ACYP2: variants seen among roughly 807,000 people sequenced by gnomAD.
ACYP2 encodes acylphosphatase 2, also known as acylphosphatase-2.
In ACYP2, 12 loss-of-function variants were observed where a neutral mutation model predicts 11.2. The observed-to-expected ratio is 1.08, with a 90% confidence interval of 0.69 to 1.74. The LOEUF is 1.74. Among genes scored for constraint, ACYP2 ranks in the 40% most tolerant of loss-of-function variants. The pLI, the probability that ACYP2 is intolerant of heterozygous loss-of-function variation, is 0.00. For missense variants in ACYP2, 134 were observed against 101.9 expected (o/e 1.31, Z -1.35); for synonymous variants, 43 against 32.2 (o/e 1.33, Z -1.13).
chr2:54,012,048 C>G (rs1054771656), intron 2 of ACYP2, among the ~76,000 whole-genome samples: 2 of 151,956 alleles, frequency 1.3e-5, no homozygotes, highest in African/African-American at 4.8e-5. Flanking sequence ...CCAGCTTGGC[C>G]AACATGGTGA....
chr2:54,123,552 T>C, intron 4 of ACYP2: 1 of 396,410 alleles, frequency 2.5e-6, no homozygotes, highest in Non-Finnish European at 4.4e-6. Context: ...GCATTACCAT[T>C]AATTCCAGAA....
intron 2 of ACYP2, among the ~76,000 whole-genome samples, chr2:54,012,587 C>G (rs868469095): frequency 3.3e-5 from 5 of 152,286 alleles, no homozygotes; most frequent in Middle Eastern, 3.4e-3. Context: ...AAGCATGACA[C>G]TCTCCCTCTT....
At chr2:54,107,171 A>C (rs146908756) in intron 4 of ACYP2, among the ~76,000 whole-genome samples, 655 of 152,284 alleles carry the variant, frequency 4.3e-3, no homozygotes, top group South Asian at 9.7e-3. Flanking sequence ...GGTTAACTAG[A>C]GCGCTAGACA....
At chr2:54,248,744 A>G (rs1358619739) in intron 6 of ACYP2, among the ~76,000 whole-genome samples, 3 of 152,218 alleles carry the variant, frequency 2.0e-5, no homozygotes, top group Non-Finnish European at 4.4e-5. Context: ...TGGCCCTTGA[A>G]GAACTTAAAA....
At chr2:54,048,544 G>C (rs1675650945) in intron 2 of ACYP2, among the ~76,000 whole-genome samples, 1 of 152,092 alleles carries the variant, frequency 6.6e-6, no homozygotes, top group African/African-American at 2.4e-5. Context: ...GTCTTGCTCT[G>C]TCACCCCACT....
At chr2:54,298,949 C>T (rs1221686792) in intron 6 of ACYP2, among the ~76,000 whole-genome samples, 1 of 152,142 alleles carries the variant, frequency 6.6e-6, no homozygotes, top group African/African-American at 2.4e-5. Context: ...GATGGGGTTT[C>T]ACCGTGTTGG....
chr2:53,984,818 G>A (rs2104513211), intron 2 of ACYP2, among the ~76,000 whole-genome samples: 1 of 151,710 alleles, frequency 6.6e-6, no homozygotes. Context: ...AATGTTGTAG[G>A]ATGAATGCAG....
At chr2:54,089,029 G>T (rs1025260211) in intron 4 of ACYP2, among the ~76,000 whole-genome samples, 7 of 152,216 alleles carry the variant, frequency 4.6e-5, no homozygotes, top group African/African-American at 1.7e-4. Flanking sequence ...TCAATAAAGT[G>T]CATTAACAGG....
At chr2:54,084,108 G>A (rs114847297) in intron 4 of ACYP2, among the ~76,000 whole-genome samples, 44 of 151,874 alleles carry the variant, frequency 2.9e-4, no homozygotes, top group Non-Finnish European at 4.7e-4. Flanking sequence ...ATCTCTAAAG[G>A]TTCAGCTCCT....
At chr2:54,068,371 A>C (rs1436029385) in intron 4 of ACYP2, among the ~76,000 whole-genome samples, 1 of 152,192 alleles carries the variant, frequency 6.6e-6, no homozygotes, top group Non-Finnish European at 1.5e-5. Context: ...CTCTGGTCAC[A>C]GGTAGGCATC....
At chr2:54,302,632 A>C (rs1689770296) in intron 6 of ACYP2, among the ~76,000 whole-genome samples, 1 of 152,194 alleles carries the variant, frequency 6.6e-6, no homozygotes, top group Non-Finnish European at 1.5e-5. Flanking sequence ...TCATAGGTCC[A>C]ACTGCCTACT....
chr2:54,093,817 G>A (rs1313443196), intron 4 of ACYP2, among the ~76,000 whole-genome samples: 1 of 152,168 alleles, frequency 6.6e-6, no homozygotes, highest in Admixed American at 6.5e-5. Context: ...GTGGGCGCCT[G>A]TAGTCCCAGC....
chr2:54,096,597 G>A (rs1211859905), intron 4 of ACYP2, among the ~76,000 whole-genome samples: 3 of 152,264 alleles, frequency 2.0e-5, no homozygotes, highest in African/African-American at 2.4e-5. Flanking sequence ...TCGGGAGGCC[G>A]AGGCTGGCGG....
intron 4 of ACYP2, among the ~76,000 whole-genome samples, chr2:54,076,877 A>G (rs1483830104): frequency 1.6e-4 from 25 of 152,170 alleles, no homozygotes; most frequent in Non-Finnish European, 1.5e-5. Context: ...TGTCTTTATA[A>G]TTTCACCTCT....
intron 6 of ACYP2, among the ~76,000 whole-genome samples, chr2:54,184,467 T>C (rs1193026061): frequency 1.3e-5 from 2 of 152,114 alleles, no homozygotes; most frequent in Admixed American, 1.3e-4. Context: ...CTTCCAGTTA[T>C]ATAAACCAGT....
At chr2:54,281,904 AGAAT>A (rs1688864143) in intron 6 of ACYP2, among the ~76,000 whole-genome samples, 1 of 152,240 alleles carries the variant, frequency 6.6e-6, no homozygotes, top group Admixed American at 6.5e-5. Context: ...TTATTTTTTT[AGAAT>A]GAATGAGTTA....
chr2:54,246,168 G>A (rs1686944112), intron 6 of ACYP2, among the ~76,000 whole-genome samples: 1 of 152,100 alleles, frequency 6.6e-6, no homozygotes, highest in Non-Finnish European at 1.5e-5. Context: ...GTTGCCTGTA[G>A]ATAAATGGAT....
chr2:54,098,921 T>TTG (rs1422124149), intron 4 of ACYP2, among the ~76,000 whole-genome samples: 1 of 152,034 alleles, frequency 6.6e-6, no homozygotes, highest in Non-Finnish European at 1.5e-5. Flanking sequence ...AGAGATGAGG[T>TTG]CTTGCTATGT....
intron 2 of ACYP2, among the ~76,000 whole-genome samples, chr2:53,987,679 G>A (rs1025971166): frequency 5.9e-5 from 9 of 152,138 alleles, no homozygotes; most frequent in African/African-American, 1.9e-4. Flanking sequence ...TTTCTGATAA[G>A]CATGCCATGA....
Sources: allele counts gnomAD v4.1 joint callset (sites outside exome capture counted in the v4.1 genomes callset), GRCh38; gene constraint gnomAD v4.1.1; transcripts MANE v1.5; gene names NCBI Gene and HGNC (gene_info 2026-07-23, HGNC 2026-07-21).